Variants in CYFIP1 observed in about 807,000 individuals in gnomAD.
The protein encoded by CYFIP1 is cytoplasmic FMR1-interacting protein 1.
A neutral mutation model predicts 163.5 loss-of-function variants in CYFIP1; 58 were observed. That is an observed-to-expected ratio of 0.35 (90% CI 0.29 to 0.44). The LOEUF is 0.44. CYFIP1 is among the 20% of genes least tolerant of loss of function. The pLI, the probability that CYFIP1 is intolerant of heterozygous loss-of-function variation, is 1.00. For synonymous variants in CYFIP1, 663 were observed against 660.7 expected, an observed-to-expected ratio of 1.00 and a Z score of -0.05; for missense variants, 1,338 against 1,653.8, an observed-to-expected ratio of 0.81 and a Z score of 3.31.
At chr15:22,908,518 C>CTTTTTTTTTTTTTTTTTTT (rs58565266) in intron 21 of CYFIP1, among the ~76,000 whole-genome samples, 8 of 75,490 alleles carry the variant, frequency 1.1e-4, no homozygotes, top group African/African-American at 4.8e-4. Flanking sequence ...GAAGATATTT[C>CTTTTTTTTTTTTTTTTTTT]TTTTTTTTTT....
intron 11 of CYFIP1, among the ~76,000 whole-genome samples, chr15:22,928,522 C>G (rs2061431656): frequency 1.3e-5 from 2 of 152,220 alleles, no homozygotes; most frequent in African/African-American, 4.8e-5. Flanking sequence ...GAGCAAGGGA[C>G]AGGCCGCTGC....
intron 26 of CYFIP1, 102 bp downstream of exon 26, chr15:22,879,811 A>T: frequency 1.2e-6 from 1 of 802,176 alleles, no homozygotes; most frequent in Non-Finnish European, 1.9e-6. Context: ...AGCTGTTGCC[A>T]CACCCCCACT....
intron 1 of CYFIP1, among the ~76,000 whole-genome samples, chr15:22,969,923 T>A (rs1462078989): frequency 6.6e-6 from 1 of 152,104 alleles, no homozygotes; most frequent in Admixed American, 6.5e-5. Flanking sequence ...AACATTATGA[T>A]AAAAAGGTAG....
chr15:22,900,202 C>T (rs928390570), intron 22 of CYFIP1, among the ~76,000 whole-genome samples: 2 of 151,978 alleles, frequency 1.3e-5, no homozygotes, highest in African/African-American at 4.8e-5. Context: ...AGAGAAGAGA[C>T]AGAGACACAC....
chr15:22,947,628 A>G (rs900676162), intron 1 of CYFIP1, among the ~76,000 whole-genome samples: 3 of 151,994 alleles, frequency 2.0e-5, no homozygotes, highest in African/African-American at 7.2e-5. Context: ...GACTCTCTCG[A>G]GGGTCTGACG....
intron 1 of CYFIP1, among the ~76,000 whole-genome samples, chr15:22,974,482 T>G (rs1309614567): frequency 6.6e-6 from 1 of 152,072 alleles, no homozygotes; most frequent in Non-Finnish European, 1.5e-5. Context: ...ATAATCCCAG[T>G]ACTGGGAGGC....
intron 21 of CYFIP1, chr15:22,904,428 C>A (rs1236144140): frequency 5.8e-6 from 1 of 173,598 alleles, no homozygotes; most frequent in Non-Finnish European, 1.3e-5. Flanking sequence ...GCAGCCGGGG[C>A]CGGAGCACAG....
At chr15:22,928,557 G>C (rs935539958) in intron 11 of CYFIP1, among the ~76,000 whole-genome samples, 1 of 152,134 alleles carries the variant, frequency 6.6e-6, no homozygotes, top group African/African-American at 2.4e-5. Context: ...GGGGGACCGC[G>C]GGCTGGGCGC....
chr15:22,931,039 A>T (rs539941329), intron 11 of CYFIP1, among the ~76,000 whole-genome samples: 3 of 152,152 alleles, frequency 2.0e-5, no homozygotes, highest in East Asian at 3.9e-4. Context: ...AGGTGCCCCA[A>T]CATACCTGGA....
At chr15:22,935,551 T>C (rs2061685605) in intron 9 of CYFIP1, among the ~76,000 whole-genome samples, 1 of 152,160 alleles carries the variant, frequency 6.6e-6, no homozygotes, top group Admixed American at 6.6e-5. Context: ...AAGATTCATA[T>C]ATGAGACTAC....
chr15:22,926,010 G>A lies in CYFIP1; in HGVS notation c.1331C>T (p.Thr444Ile), dbSNP rs1360247039. ...CACTAGGGCAAACTTCTCCTCGCTG[G>A]TGTAGTTGTAGCGCGTGGCACGCTC... ...EYERATRYNYTSEEKFALVEV... is the reference protein window; with the variant it reads ...EYERATRYNYISEEKFALVEV... Residue 444 changes from threonine to isoleucine, a missense_variant, in exon 13 of 31, where the codon ACC (threonine) becomes ATC (isoleucine). Transcript: ENST00000617928. The A allele has an allele frequency of 2.2e-5, 35 of 1,613,932 alleles. No individual in the cohort carries two copies. The highest frequency in any genetic ancestry group is 2.6e-5 in the Non-Finnish European group (31 of 1,179,942).
intron 16 of CYFIP1, 67 bp downstream of exon 16, chr15:22,916,410 G>T: frequency 1.6e-6 from 2 of 1,238,774 alleles, no homozygotes; most frequent in Non-Finnish European, 2.3e-6. Context: ...GCGGGCGGAA[G>T]CATTCTAGAC....
chr15:22,948,033 TG>T, intron 1 of CYFIP1: 2 of 979,830 alleles, frequency 2.0e-6, no homozygotes, highest in Non-Finnish European at 1.2e-6. Flanking sequence ...CCACATTCTA[TG>T]AAGGAAAGAG....
rs553755107 is a variant in CYFIP1, at chr15:22,903,087, G to C, written c.2588+619C>G. On this transcript the variant is annotated intron_variant, in intron 22 of 30. Coordinates refer to ENST00000617928, the MANE Select transcript of CYFIP1 (RefSeq NM_014608.6). Reference sequence around the variant, plus strand: ...CTCTACGTCTGGATGGAGCTCAGTGGCCAGGCACCTTGCTTGGTGCCCTGG... The same window carrying C: ...CTCTACGTCTGGATGGAGCTCAGTGCCCAGGCACCTTGCTTGGTGCCCTGG... Among the ~76,000 whole-genome samples, 3 of 152,274 alleles carry C rather than the reference G, an allele frequency of 2.0e-5. No homozygotes were observed. The South Asian group carries it at 6.2e-4, about 32-fold the overall frequency.
chr15:22,948,033 T>A (rs868472915), intron 1 of CYFIP1: 1 of 979,710 alleles, frequency 1.0e-6, no homozygotes, highest in African/African-American at 1.8e-5. Flanking sequence ...CCACATTCTA[T>A]GAAGGAAAGA....
chr15:22,876,515 T>C (rs2059588896), intron 26 of CYFIP1, among the ~76,000 whole-genome samples: 1 of 151,916 alleles, frequency 6.6e-6, no homozygotes, highest in Non-Finnish European at 1.5e-5. Context: ...GGGATGGACA[T>C]AAATAATTAT....
At chr15:22,910,001 C>T (rs1043912298) in intron 20 of CYFIP1, among the ~76,000 whole-genome samples, 5 of 151,056 alleles carry the variant, frequency 3.3e-5, no homozygotes, top group Admixed American at 6.6e-5. Flanking sequence ...CCCCAGGAGC[C>T]GCAGGGCAGA....
chr15:22,870,532 G>A (rs2059405096), intron 30 of CYFIP1, among the ~76,000 whole-genome samples: 1 of 152,072 alleles, frequency 6.6e-6, no homozygotes, highest in South Asian at 2.1e-4. Context: ...GGATGGTCTT[G>A]AACTCCTGAG....
In CYFIP1 at chr15:22,970,147, A is replaced by G. The variant is rs565501769; in HGVS notation, c.-7+10140T>C. ...TTAATTCCATGTACAACAGCATCCA[A>G]AAGATGAAGAATGTAGTGTAAATGA... On this transcript the variant is annotated intron_variant, in intron 1 of 30. Coordinates refer to ENST00000617928, the MANE Select transcript of CYFIP1 (RefSeq NM_014608.6). Among the ~76,000 whole-genome samples the G allele has an allele frequency of 6.8e-4, 104 of 152,330 alleles. 1 individual carries two copies. Among genetic ancestry groups the G allele is most frequent in the Non-Finnish European group, 1.2e-3 (85 of 68,022 alleles).
Sources: gnomAD v4.1 joint callset for allele counts (sites outside exome capture counted in the v4.1 genomes callset) on GRCh38, gnomAD v4.1.1 for gene constraint, MANE v1.5 for transcripts, NCBI Gene and HGNC (gene_info 2026-07-23, HGNC 2026-07-21) for gene names.